The following TNFAIP1 variants were observed in gnomAD, a reference collection of about 807,000 sequenced individuals.
TNFAIP1 encodes the protein BTB/POZ domain-containing adapter for CUL3-mediated RhoA degradation protein 2.
TNFAIP1 carries 20 observed loss-of-function variants against 32.6 expected under a neutral mutation model. That is an observed-to-expected ratio of 0.61 (90% CI 0.43 to 0.89). The LOEUF (loss-of-function observed/expected upper bound fraction) is 0.89. TNFAIP1 is among the 40% of genes least tolerant of loss of function. The pLI, the probability that TNFAIP1 is intolerant of heterozygous loss-of-function variation, is 0.00. For synonymous variants in TNFAIP1, 166 were observed against 166.8 expected (o/e 1.00, Z 0.04); for missense variants, 319 against 425.1 (o/e 0.75, Z 2.20).
rs781849133 is a variant in TNFAIP1, at chr17:28,340,395, C to T, written c.292C>T (p.Arg98Trp). ...TGACACCATCACCCTCCCTCAGAAC[C>T]GGCAAGAAATCAAGGAATTGATGGC... is the stretch of plus-strand genomic sequence containing the variant. ...RDDTITLPQN[R>W]QEIKELMAEA... The change falls in exon 3 of 7, where the codon CGG becomes TGG. Residue 98 changes from arginine to tryptophan, a missense_variant. Arg to Trp is a moderately radical substitution (Grantham distance 101). Transcript: ENST00000226225. The surrounding 1 kb of genome is among the most constrained non-coding windows in gnomAD (Gnocchi z 4.1). 16 of 1,613,918 alleles carry T rather than the reference C, an allele frequency of 9.9e-6. No homozygotes were observed. Among genetic ancestry groups the T allele is most frequent in the African/African-American group, 1.3e-5 (1 of 74,852 alleles).
chr17:28,339,257 A>G (rs1347191439), intron 1 of TNFAIP1, among the ~76,000 whole-genome samples, 151 bp from the exon 2 acceptor site: 1 of 151,516 alleles, frequency 6.6e-6, no homozygotes, highest in Non-Finnish European at 1.5e-5. Flanking sequence ...AAAAAAAAAA[A>G]AAGAAAGCAA....
rs140747015 is a variant in TNFAIP1, at chr17:28,340,396, G to C, written c.293G>C (p.Arg98Pro). 1 of 1,614,014 alleles carries C rather than the reference G, an allele frequency of 6.2e-7. No individual in the cohort carries two copies. Among genetic ancestry groups the C allele is most frequent in the African/African-American group, 1.3e-5 (1 of 74,990 alleles). Reference protein sequence around the residue: ...RDDTITLPQNRQEIKELMAEA... With the variant: ...RDDTITLPQNPQEIKELMAEA... Reference sequence around the variant, plus strand: ...GACACCATCACCCTCCCTCAGAACCGGCAAGAAATCAAGGAATTGATGGCT... The same window carrying C: ...GACACCATCACCCTCCCTCAGAACCCGCAAGAAATCAAGGAATTGATGGCT... Residue 98 changes from arginine (R) to proline (P), a missense_variant, in exon 3 of 7, where the codon CGG becomes CCG. By Grantham distance (103) the Arg-to-Pro change is moderately radical (BLOSUM62 -2). Coordinates refer to ENST00000226225, the MANE Select transcript of TNFAIP1 (RefSeq NM_021137.5). This position sits in a 1 kb window ranked among gnomAD's most constrained non-coding sequence, Gnocchi z 4.1.
rs1473999163 is a variant in TNFAIP1 at position 28,346,307 on chromosome 17, T to A, written c.*1707T>A. 1 of 152,214 alleles carries A rather than the reference T, an allele frequency of 6.6e-6. No homozygotes were observed. Among genetic ancestry groups the A allele is most frequent in the African/African-American group, 2.4e-5 (1 of 41,452 alleles). 9.4% of individuals were successfully genotyped at this position (152,214 alleles called of 1,614,324 possible). ...GTAACAAGATAAAGACAAATCCACTTCTTTGGCCAAATTCAGGCTTTGGCT... is the reference window on the plus strand; with the variant it reads ...GTAACAAGATAAAGACAAATCCACTACTTTGGCCAAATTCAGGCTTTGGCT... On this transcript the variant is annotated 3_prime_UTR_variant, in exon 7 of 7. Transcript: ENST00000226225.
At chr17:28,343,061 A>G (rs1907422233) in intron 6 of TNFAIP1, among the ~76,000 whole-genome samples, 2 of 152,190 alleles carry the variant, frequency 1.3e-5, no homozygotes, top group South Asian at 2.1e-4. Context: ...TGTAGTCCCA[A>G]GTACTCAGGA....
rs1555578139 is a variant in TNFAIP1, at chr17:28,341,369, C to T, written c.466-35C>T. 1.9e-6 allele frequency: 3 copies of T among 1,613,982 alleles called. No homozygotes were observed. The East Asian group carries it at 6.7e-5, about 36-fold the overall frequency. ...GGGTGCGGGCCGGGGATGCCAGTCCCCTGGCCTGGCCCCTCACTCTGAACT... is the reference window on the plus strand; with the variant it reads ...GGGTGCGGGCCGGGGATGCCAGTCCTCTGGCCTGGCCCCTCACTCTGAACT... On this transcript the variant is annotated intron_variant, in intron 4 of 6. Coordinates refer to ENST00000226225, the MANE Select transcript of TNFAIP1 (RefSeq NM_021137.5).
In TNFAIP1 at chr17:28,344,975, C is replaced by A; in HGVS notation, c.*375C>A. On this transcript the variant is annotated 3_prime_UTR_variant, in exon 7 of 7. Transcript: ENST00000226225. ...AAAGGCAGTTCTGGTGCTGTAGAGG[C>A]CCTGGTGCAGAAAGTGGGACGTCTT... 1 of 249,138 alleles carries A rather than the reference C, an allele frequency of 4.0e-6. No homozygotes were observed. Among genetic ancestry groups the A allele is most frequent in the South Asian group, 9.3e-5 (1 of 10,778 alleles). 15.4% of individuals were successfully genotyped at this position (249,138 alleles called of 1,614,324 possible). A position where few individuals can be genotyped will look rare whatever the true frequency, so the allele number is the denominator to read the frequency against.
chr17:28,342,277 C>A lies in TNFAIP1; in HGVS notation c.549C>A (p.Ile183=), dbSNP rs560731179. The change falls in exon 6 of 7, where the codon ATC becomes ATA. Residue 183 remains isoleucine (I), a synonymous_variant. Transcript: ENST00000226225. The surrounding 1 kb of genome is among the most constrained non-coding windows in gnomAD (Gnocchi z 4.0). ...SNSDDHLLKN[I]ELFDKLSLRF... is the part of the protein sequence containing the mutation. ...CTGACGACCACCTGCTGAAAAACAT[C>A]GAGCTGTTTGACAAGCTCTCCCTGC... 4.4e-6 allele frequency: 7 copies of A among 1,587,140 alleles called. No individual in the cohort carries two copies. The South Asian group carries it at 6.6e-5, about 15-fold the overall frequency.
At position 28,342,319 on chromosome 17, in the gene TNFAIP1, G is replaced by A; in HGVS notation, c.591G>A (p.Val197=). The A allele has an allele frequency of 6.2e-7, 1 of 1,605,234 alleles. No homozygotes were observed. The highest frequency in any genetic ancestry group is 8.5e-7 in the Non-Finnish European group (1 of 1,172,442). ...TCTCCCTGCGCTTCAACGGCCGCGT[G>A]CTCTTCATCAAGGATGTCATTGGTG... is the stretch of plus-strand genomic sequence containing the variant. ...DKLSLRFNGR[V]LFIKDVIGDE... The change falls in exon 6 of 7, where the codon GTG becomes GTA. Residue 197 remains valine (V), a synonymous_variant. Transcript: ENST00000226225. This position sits in a 1 kb window ranked among gnomAD's most constrained non-coding sequence, Gnocchi z 4.0.
intron 6 of TNFAIP1, among the ~76,000 whole-genome samples, 177 bp from the exon 7 acceptor site, chr17:28,344,187 T>C (rs1364147869): frequency 6.6e-6 from 1 of 152,128 alleles, no homozygotes; most frequent in Non-Finnish European, 1.5e-5. Context: ...CTCATGTCTG[T>C]AGAGTACATC....
At chr17:28,336,752 T>G (rs536704473) in intron 1 of TNFAIP1, among the ~76,000 whole-genome samples, 42 of 152,288 alleles carry the variant, frequency 2.8e-4, no homozygotes, top group African/African-American at 1.0e-3. Context: ...ACCCAACCCC[T>G]GTGGCAAATG....
At position 28,344,689 on chromosome 17, in the gene TNFAIP1, G is replaced by GGGGT; in HGVS notation, c.*91_*92insGTGG. ...TGGCCACCCCATGCTGCTGCTGCCT[G>GGGGT]GGTCTCTGCTCTAGCACCCAGAGGC... On this transcript the variant is annotated 3_prime_UTR_variant, in exon 7 of 7. Transcript: ENST00000226225. The GGGGT allele has an allele frequency of 1.5e-6, 2 of 1,361,580 alleles. No homozygotes were observed. Among genetic ancestry groups the GGGGT allele is most frequent in the Non-Finnish European group, 2.1e-6 (2 of 975,154 alleles). 84.3% of individuals were successfully genotyped at this position (1,361,580 alleles called of 1,614,324 possible). A position where few individuals can be genotyped will look rare whatever the true frequency, so the allele number is the denominator to read the frequency against.
chr17:28,339,619 A>G lies in TNFAIP1; in HGVS notation c.98A>G (p.Asn33Ser). 6.2e-7 allele frequency: 1 copy of G among 1,613,934 alleles called. No individual in the cohort carries two copies. The highest frequency in any genetic ancestry group is 8.5e-7 in the Non-Finnish European group (1 of 1,179,994). The change falls in exon 2 of 7, where the codon AAC becomes AGC. Residue 33 changes from asparagine (N) to serine (S), a missense_variant. By Grantham distance (46) the Asn-to-Ser change is conservative (BLOSUM62 1). Transcript: ENST00000226225. ...GGLGNKYVQL[N>S]VGGSLYYTTV... ...TTGGGCAACAAGTATGTCCAGCTCA[A>G]CGTGGGCGGCTCTCTGTACTACACC...
rs1416533088 is a variant in TNFAIP1 at position 28,340,252 on chromosome 17, C to G, written c.206-57C>G. On this transcript the variant is annotated intron_variant, in intron 2 of 6. Coordinates refer to ENST00000226225, the MANE Select transcript of TNFAIP1 (RefSeq NM_021137.5). This position sits in a 1 kb window ranked among gnomAD's most constrained non-coding sequence, Gnocchi z 4.1. ...CCGCCAGCTTGTCAGGTGGCCTTTG[C>G]CTGCCTCGGAGGTACCTGGCGGCAA... 3.2e-6 allele frequency: 5 copies of G among 1,582,464 alleles called. No homozygotes were observed. The highest frequency in any genetic ancestry group is 4.3e-6 in the Non-Finnish European group (5 of 1,158,676).
At chr17:28,337,633 G>T (rs1907224021) in intron 1 of TNFAIP1, among the ~76,000 whole-genome samples, 1 of 152,104 alleles carries the variant, frequency 6.6e-6, no homozygotes, top group Admixed American at 6.5e-5. Flanking sequence ...CTCCTAAAGT[G>T]CTAGGATTAC....
intron 6 of TNFAIP1, among the ~76,000 whole-genome samples, chr17:28,343,035 C>G (rs1907421828): frequency 6.6e-6 from 1 of 152,094 alleles, no homozygotes; most frequent in African/African-American, 2.4e-5. Flanking sequence ...ATTAGCCAGG[C>G]ATCGTGGCAC....
At chr17:28,343,197 G>A (rs1048858270) in intron 6 of TNFAIP1, among the ~76,000 whole-genome samples, 3 of 152,128 alleles carry the variant, frequency 2.0e-5, no homozygotes, top group African/African-American at 7.2e-5. Context: ...CCAACCAGCT[G>A]GGGGTTTCTG....
Position 28,339,498 on chromosome 17 carries a change from G to A in TNFAIP1, c.-24G>A. 1.9e-6 allele frequency: 3 copies of A among 1,572,880 alleles called. No individual in the cohort carries two copies. The highest frequency in any genetic ancestry group is 2.6e-6 in the Non-Finnish European group (3 of 1,159,204). On this transcript the variant is annotated 5_prime_UTR_variant, in exon 2 of 7. It adds an upstream start codon to the 5' untranslated region. Coordinates refer to ENST00000226225, the MANE Select transcript of TNFAIP1 (RefSeq NM_021137.5). ...GCCTTCCAAGCCTACCTCCTGCCGTGTGGTGATCTACCTGCAGCGGGAGAT... is the reference window on the plus strand; with the variant it reads ...GCCTTCCAAGCCTACCTCCTGCCGTATGGTGATCTACCTGCAGCGGGAGAT...
intron 1 of TNFAIP1, 66 bp from the exon 2 acceptor site, chr17:28,339,342 C>A (rs1318253034): frequency 1.0e-5 from 5 of 499,028 alleles, no homozygotes; most frequent in African/African-American, 5.9e-5. Flanking sequence ...GGTCGTGTTT[C>A]TGCTATTGTC....
intron 1 of TNFAIP1, among the ~76,000 whole-genome samples, chr17:28,338,622 A>G (rs1007398): frequency 0.67 from 101,597 of 150,992 alleles, 35,001 homozygotes; most frequent in East Asian, 0.96. Context: ...ACTGGCACAG[A>G]CTGCTCTGGA....
Sources: allele counts gnomAD v4.1 joint callset (sites outside exome capture counted in the v4.1 genomes callset), GRCh38; gene constraint gnomAD v4.1.1; non-coding constraint Gnocchi (gnomAD v3.1); transcripts MANE v1.5; gene names NCBI Gene and HGNC (gene_info 2026-07-23, HGNC 2026-07-21).